Variants in SEL1L2 observed in about 807,000 individuals in gnomAD.
SEL1L2 encodes the protein protein sel-1 homolog 2.
SEL1L2 carries 89 observed loss-of-function variants against 98.8 expected under a neutral mutation model. The ratio of observed to expected loss-of-function variants is 0.90; its 90% confidence interval spans 0.76 to 1.07. The LOEUF is 1.07. Among genes scored for constraint, SEL1L2 ranks in the 50% least tolerant of loss-of-function variants. SEL1L2 has a pLI of 0.00. For synonymous variants in SEL1L2, 262 were observed against 278.5 expected (o/e 0.94, Z 0.59); for missense variants, 788 against 812.0 (o/e 0.97, Z 0.36).
chr20:13,936,906 A>C (rs2049481052), intron 2 of SEL1L2, among the ~76,000 whole-genome samples: 2 of 152,192 alleles, frequency 1.3e-5, no homozygotes, highest in Non-Finnish European at 1.5e-5. Flanking sequence ...TCTCAGGAAG[A>C]GCAGGATAAA....
At chr20:13,962,323 T>G (rs1242043471) in intron 1 of SEL1L2, among the ~76,000 whole-genome samples, 1 of 152,238 alleles carries the variant, frequency 6.6e-6, no homozygotes, top group Non-Finnish European at 1.5e-5. Context: ...AACTGAAATG[T>G]GGCAGATGAC....
At chr20:13,851,301 C>T (rs1388064966) in intron 18 of SEL1L2, 2 of 152,062 alleles carry the variant, frequency 1.3e-5, no homozygotes, top group East Asian at 3.9e-4. Context: ...ATCTACAATT[C>T]TCATTATCTT....
At chr20:13,883,673 C>A (rs1314206933) in intron 10 of SEL1L2, among the ~76,000 whole-genome samples, 1 of 150,530 alleles carries the variant, frequency 6.6e-6, no homozygotes, top group African/African-American at 2.5e-5. Context: ...CCTGGGATTG[C>A]ACTTCATCCT....
At chr20:13,860,918 T>C (rs1377955198) in intron 17 of SEL1L2, among the ~76,000 whole-genome samples, 1 of 152,092 alleles carries the variant, frequency 6.6e-6, no homozygotes, top group Non-Finnish European at 1.5e-5. Context: ...AAATCATCAG[T>C]TTCTTCCCTG....
At chr20:13,868,039 C>T (rs1035810985) in intron 14 of SEL1L2, among the ~76,000 whole-genome samples, 4 of 152,010 alleles carry the variant, frequency 2.6e-5, no homozygotes, top group African/African-American at 7.3e-5. Flanking sequence ...TTGTCTTGGC[C>T]ACTTCCTCTC....
intron 2 of SEL1L2, among the ~76,000 whole-genome samples, chr20:13,944,240 G>A (rs1277759228): frequency 6.6e-6 from 1 of 152,200 alleles, no homozygotes. Flanking sequence ...AACAGCAAAT[G>A]CCAATCATGT....
At chr20:13,954,526 G>A (rs1446283627) in intron 2 of SEL1L2, among the ~76,000 whole-genome samples, 2 of 152,108 alleles carry the variant, frequency 1.3e-5, no homozygotes, top group Non-Finnish European at 2.9e-5. Flanking sequence ...TGACACAAAG[G>A]TAGTGTTTTG....
chr20:13,885,347 G>A lies in SEL1L2; in HGVS notation c.957C>T (p.Tyr319=), dbSNP rs756636774. The A allele has an allele frequency of 4.5e-5, 72 of 1,586,370 alleles. No homozygotes were observed. The highest frequency in any genetic ancestry group is 5.9e-5 in the Non-Finnish European group (68 of 1,155,060). Reference sequence around the variant, plus strand: ...TGACTGGATCTTGAGATTGACTTACGTAGTAATCCTGATCTAGACCTTTCC... The same window carrying A: ...TGACTGGATCTTGAGATTGACTTACATAGTAATCCTGATCTAGACCTTTCC... ...IGRKGLDQDY[Y]KALHYFLKAA... The change falls in exon 10 of 20, where the codon TAC becomes TAT. Residue 319 remains tyrosine, a splice_region_variant and synonymous_variant. Transcript: ENST00000284951.
intron 2 of SEL1L2, among the ~76,000 whole-genome samples, chr20:13,940,163 T>A (rs1201584858): frequency 5.9e-5 from 9 of 152,150 alleles, no homozygotes; most frequent in Admixed American, 5.9e-4. Flanking sequence ...GTATCAGATA[T>A]CCATACATGC....
At chr20:13,923,333 T>G (rs1204870391) in intron 3 of SEL1L2, among the ~76,000 whole-genome samples, 1 of 152,250 alleles carries the variant, frequency 6.6e-6, no homozygotes, top group African/African-American at 2.4e-5. Flanking sequence ...AAAAATTGTC[T>G]ACTTATGGCT....
chr20:13,939,040 G>GGTTTT lies in SEL1L2; in HGVS notation c.115-7270_115-7269insAAAAC. Among the ~76,000 whole-genome samples, 21 of 114,086 alleles carry GGTTTT rather than the reference G, an allele frequency of 1.8e-4. 4 individuals carry two copies. The highest frequency in any genetic ancestry group is 7.8e-4 in the East Asian group (3 of 3,868). 74.8% of individuals were successfully genotyped at this position (114,086 alleles called of 152,430 possible). ...TCTTTTTGGTTTGTTTGCTTGTTTT[G>GGTTTT]TTTTTTTTTTTTTTTTTTTCTGAGA... On this transcript the variant is annotated intron_variant, in intron 2 of 19. Coordinates refer to ENST00000284951, the MANE Select transcript of SEL1L2 (RefSeq NM_025229.2).
intron 1 of SEL1L2, among the ~76,000 whole-genome samples, chr20:13,962,224 T>C (rs890374029): frequency 6.6e-6 from 1 of 152,192 alleles, no homozygotes; most frequent in Non-Finnish European, 1.5e-5. Flanking sequence ...CGCTTTGCAG[T>C]GTGACTTTGC....
chr20:13,954,951 A>G (rs1163901739), intron 2 of SEL1L2, among the ~76,000 whole-genome samples: 2 of 152,240 alleles, frequency 1.3e-5, no homozygotes, highest in Non-Finnish European at 2.9e-5. Context: ...TAGTGATAAG[A>G]GAGGAGCTAT....
chr20:13,875,999 T>C, intron 12 of SEL1L2, 39 bp downstream of exon 12: 1 of 1,478,884 alleles, frequency 6.8e-7, no homozygotes, highest in South Asian at 1.1e-5. Flanking sequence ...TAAAAGCAAT[T>C]TGTGTGTATG....
At chr20:13,947,189 A>T (rs966082183) in intron 2 of SEL1L2, among the ~76,000 whole-genome samples, 1 of 151,798 alleles carries the variant, frequency 6.6e-6, no homozygotes, top group African/African-American at 2.4e-5. Flanking sequence ...TTTTAGGCCG[A>T]CCCATGGCCA....
chr20:13,958,365 G>T (rs948725463), intron 1 of SEL1L2, among the ~76,000 whole-genome samples: 1 of 152,086 alleles, frequency 6.6e-6, no homozygotes. Flanking sequence ...GTTGGAATTT[G>T]CCGTTTGATA....
chr20:13,855,452 A>C (rs1989005100), intron 18 of SEL1L2, among the ~76,000 whole-genome samples: 1 of 152,026 alleles, frequency 6.6e-6, no homozygotes, highest in Admixed American at 6.6e-5. Context: ...AGGACGGAGG[A>C]GGTAAAGGTT....
At position 13,917,786 on chromosome 20, in the gene SEL1L2, C is replaced by CTTTTTTTTTT. The variant is rs5840588; in HGVS notation, c.386+1225_386+1234dup. Among the ~76,000 whole-genome samples the CTTTTTTTTTT allele has an allele frequency of 4.8e-3, 241 of 50,104 alleles. 19 individuals are homozygous for CTTTTTTTTTT. Among genetic ancestry groups the CTTTTTTTTTT allele is most frequent in the African/African-American group, 7.3e-3 (80 of 11,020 alleles). The allele number at this position is 50,104 out of a possible 152,430, so 32.9% of individuals were successfully genotyped here. A position where few individuals can be genotyped will look rare whatever the true frequency, so the allele number is the denominator to read the frequency against. On this transcript the variant is annotated intron_variant, in intron 4 of 19. Transcript: ENST00000284951. ...CCATACTTTCTTTATTTCTTTCTTT[C>CTTTTTTTTTT]TTTTTTTTTTTTTTTTTTTTTTTTT...
At chr20:13,987,639 C>A (rs141484866) in intron 1 of SEL1L2, among the ~76,000 whole-genome samples, 1 of 152,028 alleles carries the variant, frequency 6.6e-6, no homozygotes, top group Non-Finnish European at 1.5e-5. Flanking sequence ...TGAGCCACTG[C>A]GCCCGGCCGA....
Sources: gnomAD v4.1 joint callset for allele counts (sites outside exome capture counted in the v4.1 genomes callset) on GRCh38, gnomAD v4.1.1 for gene constraint, MANE v1.5 for transcripts, NCBI Gene and HGNC (gene_info 2026-07-23, HGNC 2026-07-21) for gene names.